The following USH2A variants were observed in gnomAD, a reference collection of about 807,000 sequenced individuals.
USH2A encodes Usher syndrome 2A (autosomal recessive, mild).
USH2A carries 443 observed loss-of-function variants against 538.9 expected under a neutral mutation model. The observed-to-expected ratio is 0.82, with a 90% CI of 0.76 to 0.89. USH2A has a LOEUF of 0.89. Among genes scored for constraint, USH2A ranks in the 40% least tolerant of loss-of-function variants. The probability of loss-of-function intolerance (pLI) is 0.00; values close to 1 mark genes in which losing one functional copy is unlikely to be tolerated. For missense variants in USH2A, 6,633 were observed against 6,324.8 expected (o/e 1.05, Z -1.65); for synonymous variants, 2,413 against 2,273.5 (o/e 1.06, Z -1.75).
chr1:215,974,214 A>T (rs924493115), intron 35 of USH2A, among the ~76,000 whole-genome samples: 2 of 152,186 alleles, frequency 1.3e-5, no homozygotes, highest in East Asian at 3.9e-4. Context: ...TGACAATTTT[A>T]ACTTCATTGA....
At chr1:216,010,827 C>T (rs1050446387) in intron 32 of USH2A, among the ~76,000 whole-genome samples, 1 of 151,924 alleles carries the variant, frequency 6.6e-6, no homozygotes, top group Non-Finnish European at 1.5e-5. Flanking sequence ...CATCTCATTG[C>T]TGCCCCTCTT....
rs1314622605 is a variant in USH2A at position 215,625,323 on chromosome 1, A to ATAAC, written c.*454_*457dup. 4.7e-6 allele frequency: 1 copy of ATAAC among 211,204 alleles called. No individual in the cohort carries two copies. Among genetic ancestry groups the ATAAC allele is most frequent in the African/African-American group, 2.3e-5 (1 of 42,690 alleles). 13.1% of individuals were successfully genotyped at this position (211,204 alleles called of 1,614,324 possible). On this transcript the variant is annotated 3_prime_UTR_variant, in exon 72 of 72. Coordinates refer to ENST00000307340, the MANE Select transcript of USH2A (RefSeq NM_206933.4). ...TCATTTAGCAGCTGTGATCATTAGA[A>ATAAC]TAACTATTCTTGCAGGATTGTGTCA...
At chr1:216,069,676 C>T (rs892763756) in intron 30 of USH2A, among the ~76,000 whole-genome samples, 1 of 152,138 alleles carries the variant, frequency 6.6e-6, no homozygotes, top group Non-Finnish European at 1.5e-5. Context: ...CTCTAAGACT[C>T]CTCCACCTTG....
chr1:216,115,215 T>C (rs1274360738), intron 21 of USH2A, among the ~76,000 whole-genome samples: 2 of 152,162 alleles, frequency 1.3e-5, no homozygotes, highest in African/African-American at 4.8e-5. Flanking sequence ...CACTGCATCA[T>C]TGACCTCCTG....
At chr1:216,299,587 T>G (rs1349314355) in intron 9 of USH2A, among the ~76,000 whole-genome samples, 1 of 152,104 alleles carries the variant, frequency 6.6e-6, no homozygotes, top group Non-Finnish European at 1.5e-5. Context: ...TACTAATGTA[T>G]TAAAAATTGA....
At position 216,130,116 on chromosome 1, in the gene USH2A, C is replaced by T. The variant is rs541657756; in HGVS notation, c.4628-32903G>A. Among the ~76,000 whole-genome samples the T allele has an allele frequency of 4.6e-5, 7 of 152,056 alleles. No individual in the cohort carries two copies. The East Asian group carries it at 9.7e-4, about 21-fold the overall frequency. ...AAAGTATGAAACTACTAGAAGAAAA[C>T]ACTGGAGAAACACTCCAGGACATTG... On this transcript the variant is annotated intron_variant, in intron 21 of 71. Coordinates refer to ENST00000307340, the MANE Select transcript of USH2A (RefSeq NM_206933.4).
In USH2A at chr1:216,073,147, T is replaced by C. The variant is rs761586978; in HGVS notation, c.5726A>G (p.Tyr1909Cys). ...NCRGNDSILV[Y>C]QGKEQSVYEG... ...GTAAACACTCTGCTCTTTTCCCTGG[T>C]AAACCAGGATGGAGTCATTTCCCCT... is the stretch of plus-strand genomic sequence containing the variant. The change falls in exon 28 of 72, where the codon TAC becomes TGC. Residue 1909 changes from tyrosine (Y) to cysteine (C), a missense_variant. Tyr to Cys is a radical substitution (Grantham distance 194). Coordinates refer to ENST00000307340, the MANE Select transcript of USH2A (RefSeq NM_206933.4). 7 of 1,613,788 alleles carry C rather than the reference T, an allele frequency of 4.3e-6. No homozygotes were observed. Among genetic ancestry groups the C allele is most frequent in the African/African-American group, 2.7e-5 (2 of 74,904 alleles).
chr1:215,773,504 CTCTCTCTG>C (rs774951836), intron 55 of USH2A, among the ~76,000 whole-genome samples: 7,025 of 142,514 alleles, frequency 0.049, 238 homozygotes, highest in African/African-American at 0.096. Flanking sequence ...CTCTCTCTCT[CTCTCTCTG>C]TCTCTCTCTC....
At chr1:215,873,354 G>C (rs990955999) in intron 43 of USH2A, among the ~76,000 whole-genome samples, 2 of 152,018 alleles carry the variant, frequency 1.3e-5, no homozygotes, top group African/African-American at 4.8e-5. Context: ...CCTTTCACTT[G>C]CCCTTTCTAT....
At chr1:216,151,885 A>C (rs1287913757) in intron 21 of USH2A, among the ~76,000 whole-genome samples, 1 of 152,152 alleles carries the variant, frequency 6.6e-6, no homozygotes, top group Non-Finnish European at 1.5e-5. Flanking sequence ...TAGTCCTTTA[A>C]TACCCATTTT....
intron 35 of USH2A, among the ~76,000 whole-genome samples, chr1:215,972,138 C>T (rs1667508589): frequency 6.6e-6 from 1 of 152,198 alleles, no homozygotes; most frequent in African/African-American, 2.4e-5. Context: ...ATTTCCAACT[C>T]TCTTGCTTGT....
intron 38 of USH2A, among the ~76,000 whole-genome samples, chr1:215,929,226 G>A (rs1666305853): frequency 6.6e-6 from 1 of 152,046 alleles, no homozygotes; most frequent in Admixed American, 6.6e-5. Flanking sequence ...TATTTAATAA[G>A]TAGCTCTATA....
intron 9 of USH2A, among the ~76,000 whole-genome samples, chr1:216,314,987 T>C (rs1434693104): frequency 1.3e-5 from 2 of 152,194 alleles, no homozygotes; most frequent in Non-Finnish European, 2.9e-5. Context: ...AAGGTAAATG[T>C]AGTTATTAAA....
Position 216,421,942 on chromosome 1 carries a change from T to C in USH2A, c.395A>G (p.His132Arg). ...SNSASFIFGN[H>R]KSCFSSPPSP... is the part of the protein sequence containing the mutation. ...AGGAGGAGAAGAAAAGCAGCTCTTG[T>C]GATTTCCAAAAATAAAACTTGCAGA... The change falls in exon 2 of 72, where the codon CAC becomes CGC. Residue 132 changes from histidine to arginine, a missense_variant. His to Arg is a conservative substitution (Grantham distance 29). Transcript: ENST00000307340. 6.2e-7 allele frequency: 1 copy of C among 1,613,970 alleles called. No individual in the cohort carries two copies. Among genetic ancestry groups the C allele is most frequent in the Admixed American group, 1.7e-5 (1 of 59,956 alleles).
chr1:215,841,057 A>T (rs987914260), intron 46 of USH2A, among the ~76,000 whole-genome samples: 2 of 152,206 alleles, frequency 1.3e-5, no homozygotes, highest in Admixed American at 6.5e-5. Context: ...GAGGACACAA[A>T]TGGAAAAACA....
chr1:216,236,727 T>C (rs1338393763), intron 13 of USH2A, among the ~76,000 whole-genome samples: 2 of 152,090 alleles, frequency 1.3e-5, no homozygotes, highest in Middle Eastern at 3.2e-3. Context: ...ACACAATAAA[T>C]TTAAAATATA....
Position 215,654,175 on chromosome 1 carries a change from T to A in USH2A, c.14134-3374A>T, listed in dbSNP as rs530745945. Among the ~76,000 whole-genome samples, 25 of 152,280 alleles carry A rather than the reference T, an allele frequency of 1.6e-4. 1 individual carries two copies. Among genetic ancestry groups the A allele is most frequent in the African/African-American group, 2.2e-4 (9 of 41,556 alleles). Reference sequence around the variant, plus strand: ...GTGTTTAGACTGAACATATATATATTTTTTTATTATTGTACTTTAAGTTCT... The same window carrying A: ...GTGTTTAGACTGAACATATATATATATTTTTATTATTGTACTTTAAGTTCT... On this transcript the variant is annotated intron_variant, in intron 64 of 71. Transcript: ENST00000307340.
rs1483508189 is a variant in USH2A, at chr1:215,885,334, G to T, written c.8223+3092C>A. ...TACATTTTTAAAATGAAATCAATTTGTCCTTGTATATCATTCTTTTAATAT... is the reference window on the plus strand; with the variant it reads ...TACATTTTTAAAATGAAATCAATTTTTCCTTGTATATCATTCTTTTAATAT... On this transcript the variant is annotated intron_variant, in intron 41 of 71. Coordinates refer to ENST00000307340, the MANE Select transcript of USH2A (RefSeq NM_206933.4). 1.3e-4 allele frequency among the ~76,000 whole-genome samples: 20 copies of T among 151,996 alleles called. No homozygotes were observed. In the East Asian group the frequency reaches 3.7e-3, roughly 28 times the overall value.
chr1:215,783,903 G>A (rs1661717347), intron 52 of USH2A, among the ~76,000 whole-genome samples: 1 of 152,130 alleles, frequency 6.6e-6, no homozygotes, highest in East Asian at 1.9e-4. Flanking sequence ...GATTAATGGA[G>A]AGACATTCTC....
Sources: allele counts gnomAD v4.1 joint callset (sites outside exome capture counted in the v4.1 genomes callset), GRCh38; gene constraint gnomAD v4.1.1; transcripts MANE v1.5; gene names NCBI Gene and HGNC (gene_info 2026-07-23, HGNC 2026-07-21).